The following PDZRN4 variants were observed in gnomAD, a reference collection of about 807,000 sequenced individuals.
PDZRN4 encodes PDZ domain-containing RING finger protein 4.
Under a neutral mutation model 99.0 loss-of-function variants are expected in PDZRN4, and 70 were observed. The ratio of observed to expected loss-of-function variants is 0.71; its 90% CI spans 0.58 to 0.86. The LOEUF is 0.86. PDZRN4 is among the 40% of genes least tolerant of loss of function. The pLI, the probability that PDZRN4 is intolerant of heterozygous loss-of-function variation, is 0.00. For missense variants in PDZRN4, 1,474 were observed against 1,331.2 expected (o/e 1.11, Z -1.67); for synonymous variants, 551 against 501.6 (o/e 1.10, Z -1.32).
At chr12:41,413,431 G>A (rs963274818) in intron 3 of PDZRN4, among the ~76,000 whole-genome samples, 6 of 151,988 alleles carry the variant, frequency 3.9e-5, no homozygotes, top group Admixed American at 6.6e-5. Context: ...CTAGATAAAA[G>A]GAATAAGTTC....
chr12:41,505,265 G>A (rs1360634422), intron 3 of PDZRN4, among the ~76,000 whole-genome samples: 1 of 152,132 alleles, frequency 6.6e-6, no homozygotes, highest in Admixed American at 6.5e-5. Context: ...GGGTGGCTTA[G>A]TTAGCTGTCT....
At chr12:41,231,879 A>G (rs1399405271) in intron 3 of PDZRN4, among the ~76,000 whole-genome samples, 2 of 152,054 alleles carry the variant, frequency 1.3e-5, no homozygotes, top group Non-Finnish European at 2.9e-5. Flanking sequence ...TCTGAAAAAG[A>G]CAGGATCATT....
intron 8 of PDZRN4, among the ~76,000 whole-genome samples, chr12:41,566,527 G>A (rs1939375001): frequency 6.6e-6 from 1 of 152,190 alleles, no homozygotes; most frequent in Admixed American, 6.6e-5. Flanking sequence ...GCGACATTAA[G>A]ATAAATGAGG....
intron 5 of PDZRN4, among the ~76,000 whole-genome samples, chr12:41,521,803 G>T (rs958257416): frequency 6.6e-5 from 10 of 152,044 alleles, no homozygotes; most frequent in African/African-American, 2.4e-4. Flanking sequence ...TTGAGTATGT[G>T]TTCTTTCCTA....
At chr12:41,460,699 G>C (rs532926834) in intron 3 of PDZRN4, among the ~76,000 whole-genome samples, 51 of 152,252 alleles carry the variant, frequency 3.3e-4, no homozygotes, top group African/African-American at 1.2e-3. Context: ...CCATATATAC[G>C]TAGATGTAAA....
Position 41,292,333 on chromosome 12 carries a change from A to T in PDZRN4, c.843+98145A>T, listed in dbSNP as rs553179965. On this transcript the variant is annotated intron_variant, in intron 3 of 9. Coordinates refer to ENST00000402685, the MANE Select transcript of PDZRN4 (RefSeq NM_001164595.2). ...TGGCCTTCTAAGGATCATTATTTGT[A>T]GGAAGAGCTGGTTTCATGTTGCTGG... is the stretch of plus-strand genomic sequence containing the variant. Among the ~76,000 whole-genome samples, 145 of 152,318 alleles carry T rather than the reference A, an allele frequency of 9.5e-4. 1 individual carries two copies. The highest frequency in any genetic ancestry group is 3.4e-3 in the African/African-American group (141 of 41,576).
rs565838040 is a variant in PDZRN4 at position 41,357,902 on chromosome 12, A to G, written c.844-148554A>G. 3.3e-5 allele frequency among the ~76,000 whole-genome samples: 5 copies of G among 152,076 alleles called. No individual in the cohort carries two copies. The South Asian group carries it at 1.0e-3, about 32-fold the overall frequency. ...ATCACCTCTAGCCTCTCTCTAAGGG[A>G]GGAACACTCTCCCCAGTACCTGATA... is the stretch of plus-strand genomic sequence containing the variant. On this transcript the variant is annotated intron_variant, in intron 3 of 9. Coordinates refer to ENST00000402685, the MANE Select transcript of PDZRN4 (RefSeq NM_001164595.2).
chr12:41,537,373 C>T (rs1387484817), intron 5 of PDZRN4, among the ~76,000 whole-genome samples: 1 of 152,156 alleles, frequency 6.6e-6, no homozygotes, highest in Non-Finnish European at 1.5e-5. Flanking sequence ...TTGCTCTATC[C>T]TTTGGAAACT....
chr12:41,251,719 C>G (rs1483243658), intron 3 of PDZRN4, among the ~76,000 whole-genome samples: 3 of 152,212 alleles, frequency 2.0e-5, no homozygotes, highest in Non-Finnish European at 4.4e-5. Context: ...TCATTCCCCT[C>G]TTACCTGAGT....
At chr12:41,361,407 T>C (rs921485442) in intron 3 of PDZRN4, among the ~76,000 whole-genome samples, 1 of 152,034 alleles carries the variant, frequency 6.6e-6, no homozygotes, top group Non-Finnish European at 1.5e-5. Flanking sequence ...CAGATAAAGA[T>C]GATTGTCCCT....
intron 3 of PDZRN4, among the ~76,000 whole-genome samples, chr12:41,331,263 A>C (rs533908702): frequency 2.1e-4 from 32 of 152,184 alleles, no homozygotes; most frequent in Non-Finnish European, 4.0e-4. Context: ...TTATGGTTTT[A>C]AAGATGTTAA....
intron 9 of PDZRN4, among the ~76,000 whole-genome samples, chr12:41,570,430 A>T (rs1412470298): frequency 6.6e-6 from 1 of 152,168 alleles, no homozygotes; most frequent in East Asian, 1.9e-4. Flanking sequence ...GGGAAAGGGG[A>T]TATTCAATTG....
chr12:41,289,231 A>T (rs1951440811), intron 3 of PDZRN4, among the ~76,000 whole-genome samples: 1 of 152,206 alleles, frequency 6.6e-6, no homozygotes, highest in South Asian at 2.1e-4. Context: ...AGTTAAGAAA[A>T]CAGTGATTTG....
At chr12:41,551,050 C>G (rs1184840245) in intron 5 of PDZRN4, among the ~76,000 whole-genome samples, 1 of 152,108 alleles carries the variant, frequency 6.6e-6, no homozygotes, top group African/African-American at 2.4e-5. Flanking sequence ...TACATTTGGG[C>G]TGCTATAACA....
At chr12:41,345,430 C>T (rs1306103153) in intron 3 of PDZRN4, among the ~76,000 whole-genome samples, 4 of 152,144 alleles carry the variant, frequency 2.6e-5, no homozygotes, top group Non-Finnish European at 5.9e-5. Context: ...TGAGAATGAA[C>T]TAAGGCATCA....
chr12:41,449,410 C>T (rs1406045062), intron 3 of PDZRN4, among the ~76,000 whole-genome samples: 1 of 152,298 alleles, frequency 6.6e-6, no homozygotes. Flanking sequence ...AGTACCTCTA[C>T]AGATGTTTCT....
chr12:41,559,806 C>A (rs1370002315), intron 7 of PDZRN4, among the ~76,000 whole-genome samples: 1 of 152,136 alleles, frequency 6.6e-6, no homozygotes, highest in Non-Finnish European at 1.5e-5. Flanking sequence ...GTAATTGAAT[C>A]ATGGGGGCGG....
chr12:41,191,787 T>TA (rs1352252590), intron 2 of PDZRN4, among the ~76,000 whole-genome samples: 3 of 117,196 alleles, frequency 2.6e-5, no homozygotes, highest in Admixed American at 8.5e-5. Flanking sequence ...TTTATTTATT[T>TA]TGTTTGTTTG....
chr12:41,374,729 G>C (rs1952067178), intron 3 of PDZRN4, among the ~76,000 whole-genome samples: 1 of 152,148 alleles, frequency 6.6e-6, no homozygotes, highest in African/African-American at 2.4e-5. Context: ...TCAGGAGAAA[G>C]ATCTGGCCTG....
Sources: allele counts gnomAD v4.1 joint callset (sites outside exome capture counted in the v4.1 genomes callset), GRCh38; gene constraint gnomAD v4.1.1; transcripts MANE v1.5; gene names NCBI Gene and HGNC (gene_info 2026-07-23, HGNC 2026-07-21).